Variants in PREP observed in about 807,000 individuals in gnomAD.
PREP encodes the protein dJ355L5.1 (prolyl endopeptidase).
PREP carries 29 observed loss-of-function variants against 87.6 expected under a neutral mutation model. That is an observed-to-expected ratio of 0.33 (90% CI 0.25 to 0.45). PREP has a LOEUF of 0.45. Among genes scored for constraint, PREP ranks in the 20% least tolerant of loss-of-function variants. The pLI is 1.00. For synonymous variants in PREP, 337 were observed against 328.6 expected, an observed-to-expected ratio of 1.03 and a Z score of -0.28; for missense variants, 695 against 886.5, an observed-to-expected ratio of 0.78 and a Z score of 2.74.
At chr6:105,336,500 C>T (rs1000055118) in intron 7 of PREP, among the ~76,000 whole-genome samples, 7 of 152,130 alleles carry the variant, frequency 4.6e-5, no homozygotes, top group Non-Finnish European at 7.4e-5. Flanking sequence ...TTATTTTTTG[C>T]TCCCTGTATT....
chr6:105,385,283 T>TAAAAAAAAA (rs11354337), intron 2 of PREP, among the ~76,000 whole-genome samples: 15 of 122,634 alleles, frequency 1.2e-4, no homozygotes, highest in East Asian at 2.3e-4. Flanking sequence ...AGATCTGCTT[T>TAAAAAAAAA]AAAAAAAAAA....
At chr6:105,382,445 T>TA (rs1334458695) in intron 2 of PREP, among the ~76,000 whole-genome samples, 3 of 152,186 alleles carry the variant, frequency 2.0e-5, no homozygotes, top group Non-Finnish European at 2.9e-5. Flanking sequence ...AAAATTGACT[T>TA]ACGAAATACA....
intron 5 of PREP, among the ~76,000 whole-genome samples, chr6:105,372,071 TA>T (rs1772572920): frequency 6.6e-6 from 1 of 152,142 alleles, no homozygotes; most frequent in South Asian, 2.1e-4. Context: ...ATAAAAAACC[TA>T]CTTTTAGCTC....
intron 2 of PREP, among the ~76,000 whole-genome samples, chr6:105,393,171 A>C (rs1390945416): frequency 6.6e-6 from 1 of 152,224 alleles, no homozygotes; most frequent in African/African-American, 2.4e-5. Flanking sequence ...AGAGCTTCTA[A>C]AACAAAAAGC....
intron 2 of PREP, among the ~76,000 whole-genome samples, chr6:105,395,843 G>C (rs980936072): frequency 1.1e-4 from 17 of 152,206 alleles, no homozygotes; most frequent in African/African-American, 3.9e-4. Flanking sequence ...CAGGTCCTTA[G>C]AGACAGTTTT....
In PREP at chr6:105,275,281, T is replaced by C. The variant is rs1186256190; in HGVS notation, c.*2863A>G. 6.6e-6 allele frequency among the ~76,000 whole-genome samples: 1 copy of C among 152,254 alleles called. No individual in the cohort carries two copies. Among genetic ancestry groups the C allele is most frequent in the Non-Finnish European group, 1.5e-5 (1 of 68,044 alleles). ...CTTGAGAGACTGGTGACAGGCTTCC[T>C]TAGTTGAAACTTATCCTTTTCAAAC... On this transcript the variant is annotated 3_prime_UTR_variant, in exon 15 of 15. Transcript: ENST00000652536.
intron 2 of PREP, among the ~76,000 whole-genome samples, chr6:105,396,186 T>G (rs1041504825): frequency 6.6e-6 from 1 of 152,120 alleles, no homozygotes; most frequent in African/African-American, 2.4e-5. Flanking sequence ...TTCTCATCCA[T>G]GAGATCTTTG....
intron 3 of PREP, 114 bp from the exon 4 acceptor site, chr6:105,376,369 G>T: frequency 7.9e-7 from 1 of 1,269,656 alleles, no homozygotes; most frequent in Non-Finnish European, 1.1e-6. Flanking sequence ...AGGTACCACT[G>T]TAATCTGGCC....
rs1402524584 is a variant in PREP at position 105,274,935 on chromosome 6, G to A, written c.*3209C>T. ...TCCACACAGAGTGCTTGCAGCGGGT[G>A]GCACAGGGTAAACATGAGCAAGATA... On this transcript the variant is annotated 3_prime_UTR_variant, in exon 15 of 15. Coordinates refer to ENST00000652536, the MANE Select transcript of PREP (RefSeq NM_002726.5). Among the ~76,000 whole-genome samples, 1 of 152,184 alleles carries A rather than the reference G, an allele frequency of 6.6e-6. No individual in the cohort carries two copies. Among genetic ancestry groups the A allele is most frequent in the Non-Finnish European group, 1.5e-5 (1 of 68,048 alleles).
chr6:105,366,407 G>C (rs1407118430), intron 6 of PREP, among the ~76,000 whole-genome samples: 2 of 152,208 alleles, frequency 1.3e-5, no homozygotes, highest in African/African-American at 4.8e-5. Flanking sequence ...GCATGGACTT[G>C]CAAGATAATT....
intron 11 of PREP, among the ~76,000 whole-genome samples, chr6:105,285,857 C>A (rs1290384097): frequency 2.0e-5 from 3 of 152,134 alleles, no homozygotes; most frequent in African/African-American, 7.2e-5. Flanking sequence ...CTCACTGCAA[C>A]CTCCACCTTC....
chr6:105,322,650 C>T, intron 10 of PREP: 1 of 989,358 alleles, frequency 1.0e-6, no homozygotes, highest in Non-Finnish European at 1.2e-6. Context: ...CCAAAGCAAC[C>T]ACAGGCAATA....
chr6:105,372,556 G>A (rs1772588992), intron 5 of PREP, among the ~76,000 whole-genome samples: 1 of 152,190 alleles, frequency 6.6e-6, no homozygotes, highest in African/African-American at 2.4e-5. Context: ...CAAAGAGGGA[G>A]GAACCCCTTG....
intron 8 of PREP, among the ~76,000 whole-genome samples, chr6:105,330,581 G>A (rs189807723): frequency 1.3e-4 from 20 of 152,274 alleles, no homozygotes; most frequent in Non-Finnish European, 2.8e-4. Flanking sequence ...TCACCCAGAG[G>A]GAGAGACACC....
At chr6:105,311,950 C>A (rs1297147278) in intron 10 of PREP, among the ~76,000 whole-genome samples, 1 of 152,200 alleles carries the variant, frequency 6.6e-6, no homozygotes. Context: ...CAAACACAAT[C>A]AAATCTGCAG....
intron 6 of PREP, among the ~76,000 whole-genome samples, chr6:105,353,771 CAA>C (rs397824826): frequency 2.4e-4 from 17 of 71,028 alleles, no homozygotes; most frequent in Admixed American, 1.7e-4. Flanking sequence ...GACTCCATCT[CAA>C]AAAAAAAAAA....
At position 105,277,905 on chromosome 6, in the gene PREP, A is replaced by T. The variant is rs1038804033; in HGVS notation, c.*239T>A. On this transcript the variant is annotated 3_prime_UTR_variant, in exon 15 of 15. Transcript: ENST00000652536. ...AGCTATTTATCCCAACATGCCCTTA[A>T]AAAAAACACCAAAAAACCACATGTG... 1.8e-6 allele frequency: 1 copy of T among 568,180 alleles called. No individual in the cohort carries two copies. The highest frequency in any genetic ancestry group is 1.9e-5 in the African/African-American group (1 of 53,298). The allele number at this position is 568,180 out of a possible 1,614,324, so 35.2% of individuals were successfully genotyped here.
At chr6:105,375,714 T>C (rs1447445724) in intron 4 of PREP, among the ~76,000 whole-genome samples, 1 of 152,258 alleles carries the variant, frequency 6.6e-6, no homozygotes, top group Non-Finnish European at 1.5e-5. Context: ...GGGAAACTGA[T>C]CTGATAAACA....
intron 10 of PREP, among the ~76,000 whole-genome samples, chr6:105,312,871 G>A (rs998005834): frequency 2.3e-4 from 35 of 152,132 alleles, no homozygotes; most frequent in African/African-American, 6.5e-4. Flanking sequence ...CCGGGGCTAC[G>A]GGGCGGCACT....
Sources: allele counts gnomAD v4.1 joint callset (sites outside exome capture counted in the v4.1 genomes callset), GRCh38; gene constraint gnomAD v4.1.1; transcripts MANE v1.5; gene names NCBI Gene and HGNC (gene_info 2026-07-23, HGNC 2026-07-21).